The following TENM3 variants were observed in gnomAD, a reference collection of about 807,000 sequenced individuals.
TENM3 encodes the protein teneurin-3.
In TENM3, 63 loss-of-function variants were observed where a neutral mutation model predicts 255.1. The observed-to-expected ratio is 0.25, with a 90% CI of 0.20 to 0.30. The LOEUF is 0.30. Among genes scored for constraint, TENM3 ranks in the 10% least tolerant of loss-of-function variants. The probability of loss-of-function intolerance (pLI) is 1.00; values close to 1 mark genes in which losing one functional copy is unlikely to be tolerated. For synonymous variants in TENM3, 1,306 were observed against 1,322.3 expected, an observed-to-expected ratio of 0.99 and a Z score of 0.27; for missense variants, 2,929 against 3,461.1, an observed-to-expected ratio of 0.85 and a Z score of 3.86.
the TENM3 span, among the ~76,000 whole-genome samples, chr4:181,564,895 G>A: frequency 6.6e-6 from 1 of 152,090 alleles, no homozygotes; most frequent in East Asian, 1.9e-4. Context: ...ATATCTCAGT[G>A]GGCAGCTTTG....
At chr4:182,054,726 T>G in the TENM3 span, among the ~76,000 whole-genome samples, 1 of 152,168 alleles carries the variant, frequency 6.6e-6, no homozygotes, top group Non-Finnish European at 1.5e-5. Context: ...GTGATCATTA[T>G]GCATTATATG....
intron 3 of TENM3, among the ~76,000 whole-genome samples, chr4:182,517,013 A>T (rs1738038503): frequency 6.6e-6 from 1 of 152,188 alleles, no homozygotes; most frequent in Non-Finnish European, 1.5e-5. Flanking sequence ...TATAAGAAAA[A>T]AAATAAGGAA....
At chr4:181,989,565 A>C in the TENM3 span, among the ~76,000 whole-genome samples, 29 of 152,254 alleles carry the variant, frequency 1.9e-4, no homozygotes, top group African/African-American at 7.0e-4. Flanking sequence ...CCGTTTAATC[A>C]GTTTTCTTTC....
At chr4:182,277,959 C>T (rs1760116946) in intron 1 of TENM3, among the ~76,000 whole-genome samples, 1 of 152,234 alleles carries the variant, frequency 6.6e-6, no homozygotes, top group Admixed American at 6.5e-5. Context: ...TCCCTACCGC[C>T]CTCAACCCTG....
rs532603899 is a variant in TENM3, at chr4:182,338,086, A to G, written c.233-8565A>G. ...TATCCACTTTAGATCTATGTATGTC[A>G]CTGCCTATGAAATTTACCTAAATAT... On this transcript the variant is annotated intron_variant, in intron 2 of 27. Coordinates refer to ENST00000511685, the MANE Select transcript of TENM3 (RefSeq NM_001080477.4). 3.9e-5 allele frequency among the ~76,000 whole-genome samples: 6 copies of G among 152,246 alleles called. 1 individual carries two copies. Among genetic ancestry groups the G allele is most frequent in the African/African-American group, 1.4e-4 (6 of 41,540 alleles).
chr4:181,554,891 A>G, the TENM3 span, among the ~76,000 whole-genome samples: 2 of 152,182 alleles, frequency 1.3e-5, no homozygotes, highest in Non-Finnish European at 1.5e-5. Context: ...TTGTTTTGCC[A>G]TCTATTGTAA....
chr4:181,885,355 C>T, the TENM3 span, among the ~76,000 whole-genome samples: 5 of 152,156 alleles, frequency 3.3e-5, no homozygotes, highest in African/African-American at 1.2e-4. Flanking sequence ...CTCCTCCTCC[C>T]GGGTTCAAGT....
intron 3 of TENM3, among the ~76,000 whole-genome samples, chr4:182,381,062 G>A (rs1014339176): frequency 3.9e-5 from 6 of 152,144 alleles, no homozygotes; most frequent in African/African-American, 7.2e-5. Flanking sequence ...GAGTCTCTCC[G>A]TACCCCTGAG....
the TENM3 span, among the ~76,000 whole-genome samples, chr4:181,982,479 G>C: frequency 1.3e-5 from 2 of 152,224 alleles, no homozygotes; most frequent in Admixed American, 1.3e-4. Context: ...TTAGACACAA[G>C]CTACTTCCAT....
chr4:182,391,629 A>G (rs187099764), intron 3 of TENM3, among the ~76,000 whole-genome samples: 1 of 152,334 alleles, frequency 6.6e-6, no homozygotes, highest in Non-Finnish European at 1.5e-5. Context: ...GCATTTAATG[A>G]TTATGCAGCT....
intron 22 of TENM3, among the ~76,000 whole-genome samples, chr4:182,755,635 G>A (rs563672408): frequency 5.3e-5 from 8 of 152,170 alleles, no homozygotes; most frequent in South Asian, 4.2e-4. Context: ...TCAGAAGATC[G>A]AGACCATCCT....
the TENM3 span, among the ~76,000 whole-genome samples, chr4:181,985,723 G>A: frequency 6.6e-6 from 1 of 152,088 alleles, no homozygotes; most frequent in Non-Finnish European, 1.5e-5. Flanking sequence ...AACAAAATGT[G>A]GGGTTTTTTC....
At chr4:181,980,686 C>T in the TENM3 span, among the ~76,000 whole-genome samples, 2 of 152,090 alleles carry the variant, frequency 1.3e-5, no homozygotes, top group African/African-American at 4.8e-5. Flanking sequence ...TATCTAATTT[C>T]TAATTTTCAA....
chr4:182,728,177 G>C (rs967199767), intron 13 of TENM3, among the ~76,000 whole-genome samples: 1 of 152,004 alleles, frequency 6.6e-6, no homozygotes, highest in Non-Finnish European at 1.5e-5. Context: ...AAGGTGGTTG[G>C]CTCATCTCAT....
the TENM3 span, among the ~76,000 whole-genome samples, chr4:182,103,475 CA>C: frequency 1.3e-5 from 2 of 152,124 alleles, no homozygotes; most frequent in Non-Finnish European, 2.9e-5. Flanking sequence ...TTTCTTAGCT[CA>C]AAATTTTAAA....
At chr4:181,660,938 A>T in the TENM3 span, among the ~76,000 whole-genome samples, 2 of 152,172 alleles carry the variant, frequency 1.3e-5, no homozygotes, top group Non-Finnish European at 2.9e-5. Context: ...AAACATCAAC[A>T]CAAATGATTT....
chr4:182,650,114 G>A (rs1480081819), intron 5 of TENM3, among the ~76,000 whole-genome samples: 1 of 150,490 alleles, frequency 6.6e-6, no homozygotes, highest in African/African-American at 2.4e-5. Flanking sequence ...TAATACCAAT[G>A]AAGTACTAGT....
chr4:182,241,159 G>C (rs939450660), upstream of TENM3, among the ~76,000 whole-genome samples: 1 of 152,126 alleles, frequency 6.6e-6, no homozygotes, highest in East Asian at 1.9e-4. Flanking sequence ...CATGTGAATC[G>C]TTATAGCTTC....
At chr4:182,449,237 C>CGCTCTGGAGCCGGTGGCTCCGCTT (rs758941265) in intron 3 of TENM3, among the ~76,000 whole-genome samples, 2 of 149,490 alleles carry the variant, frequency 1.3e-5, no homozygotes, top group Non-Finnish European at 3.0e-5. Context: ...CGGCTCCGCT[C>CGCTCTGGAGCCGGTGGCTCCGCTT]TTCTCCCTTG....
Sources: gnomAD v4.1 joint callset for allele counts (sites outside exome capture counted in the v4.1 genomes callset) on GRCh38, gnomAD v4.1.1 for gene constraint, MANE v1.5 for transcripts, NCBI Gene and HGNC (gene_info 2026-07-23, HGNC 2026-07-21) for gene names.